Variants in USP5 observed in about 807,000 individuals in gnomAD.
The protein encoded by USP5 is ubiquitin carboxyl-terminal hydrolase 5.
In USP5, 24 loss-of-function variants were observed where a neutral mutation model predicts 102.5. That is an observed-to-expected ratio of 0.23 (90% CI 0.17 to 0.33). The LOEUF (loss-of-function observed/expected upper bound fraction) is 0.33. Among genes scored for constraint, USP5 ranks in the 10% least tolerant of loss-of-function variants. USP5 has a pLI of 1.00. For synonymous variants in USP5, 460 were observed against 434.8 expected, an observed-to-expected ratio of 1.06 and a Z score of -0.72; for missense variants, 753 against 1,122.1, an observed-to-expected ratio of 0.67 and a Z score of 4.70.
rs1555129577 is a variant in USP5 at position 6,861,553 on chromosome 12, G to A, written c.1609G>A (p.Gly537Arg). 8 of 1,600,810 alleles carry A rather than the reference G, an allele frequency of 5.0e-6. No individual in the cohort carries two copies. The highest frequency in any genetic ancestry group is 2.2e-5 in the East Asian group (1 of 44,486). The change falls in exon 13 of 20, where the codon GGG becomes AGG. Residue 537 changes from glycine to arginine, a missense_variant. Gly to Arg is a moderately radical substitution (Grantham distance 125). Coordinates refer to ENST00000229268, the MANE Select transcript of USP5 (RefSeq NM_001098536.2). This position sits in a 1 kb window ranked among gnomAD's most constrained non-coding sequence, Gnocchi z 4.9. ...VPFSSCLEAY[G>R]APEQVDDFWS... ...CTTCAGCTCTTGCCTGGAGGCCTAC[G>A]GGGCCCCTGAGCAGGTCGATGACTT...
At position 6,864,020 on chromosome 12, in the gene USP5, C is replaced by G; in HGVS notation, c.2099-30C>G. ...GGTGGGGCAGGGCCTCCATCCTCCC[C>G]CAAACACATCAACCCCTTCACATCC... On this transcript the variant is annotated intron_variant, in intron 16 of 19. Coordinates refer to ENST00000229268, the MANE Select transcript of USP5 (RefSeq NM_001098536.2). The surrounding 1 kb of genome is among the most constrained non-coding windows in gnomAD (Gnocchi z 4.8). The G allele has an allele frequency of 6.3e-7, 1 of 1,585,422 alleles. No individual in the cohort carries two copies. The highest frequency in any genetic ancestry group is 8.6e-7 in the Non-Finnish European group (1 of 1,161,132).
At position 6,864,724 on chromosome 12, in the gene USP5, C is replaced by T. The variant is rs782626538; in HGVS notation, c.2247C>T (p.Asn749=). Reference sequence around the variant, plus strand: ...GTAATGCTTCCTTCCTCTCCAAGAACAATAGTTTAGAACGGGCTGTGGACT... The same window carrying T: ...GTAATGCTTCCTTCCTCTCCAAGAATAATAGTTTAGAACGGGCTGTGGACT... The part of the protein sequence containing the change: ...DQALKALRAT[N]NSLERAVDWI... Residue 749 remains asparagine (N), a splice_region_variant and synonymous_variant, in exon 18 of 20, where the codon AAC becomes AAT. Transcript: ENST00000229268. This position sits in a 1 kb window ranked among gnomAD's most constrained non-coding sequence, Gnocchi z 4.8. The T allele has an allele frequency of 6.2e-7, 1 of 1,608,322 alleles. No homozygotes were observed. The highest frequency in any genetic ancestry group is 8.5e-7 in the Non-Finnish European group (1 of 1,179,590).
At chr12:6,859,741 CT>C (rs1944222433) in intron 9 of USP5, among the ~76,000 whole-genome samples, 200 bp downstream of exon 9, 1 of 152,184 alleles carries the variant, frequency 6.6e-6, no homozygotes, top group Admixed American at 6.5e-5. Flanking sequence ...CAACCTCTGC[CT>C]CCTGGGTTCA....
Position 6,862,838 on chromosome 12 carries a change from G to A in USP5, c.1762+280G>A, listed in dbSNP as rs782465233. On this transcript the variant is annotated intron_variant, in intron 14 of 19. Coordinates refer to ENST00000229268, the MANE Select transcript of USP5 (RefSeq NM_001098536.2). The stretch of plus-strand genomic sequence containing the variant: ...GATAATCTTGAAACAATTAATTCTC[G>A]TGAGTCTTACAGGTCCCTGACTGTC... Among the ~76,000 whole-genome samples the A allele has an allele frequency of 9.2e-5, 14 of 152,182 alleles. No homozygotes were observed. In the East Asian group the frequency reaches 1.7e-3, roughly 19 times the overall value.
chr12:6,855,420 A>T lies in USP5; in HGVS notation c.131A>T (p.Tyr44Phe). Residue 44 changes from tyrosine (Y) to phenylalanine (F), a missense_variant, in exon 2 of 20, where the codon TAC becomes TTC. Around this residue, in one of 3 missense-constraint regions of USP5, gnomAD observed 527 missense variants for 816.5 expected, o/e 0.65. Coordinates refer to ENST00000229268, the MANE Select transcript of USP5 (RefSeq NM_001098536.2). This position sits in a 1 kb window ranked among gnomAD's most constrained non-coding sequence, Gnocchi z 4.6. ...CCACAGGAGTCTGAGGGGGGCCTCT[A>T]CATCTGTATGAACACGTTTCTGGGC... ...FDTPESEGGL[Y>F]ICMNTFLGFG... The T allele has an allele frequency of 8.1e-6, 13 of 1,614,176 alleles. No homozygotes were observed. Among genetic ancestry groups the T allele is most frequent in the Non-Finnish European group, 1.1e-5 (13 of 1,180,032 alleles).
At chr12:6,859,194 G>C (rs950257555) in intron 8 of USP5, among the ~76,000 whole-genome samples, 1 of 152,204 alleles carries the variant, frequency 6.6e-6, no homozygotes, top group African/African-American at 2.4e-5. Context: ...CATGTCAACA[G>C]GTTCTGTCCA....
intron 6 of USP5, 167 bp from the exon 7 acceptor site, chr12:6,857,462 G>A (rs1264013075): frequency 1.8e-6 from 1 of 561,082 alleles, no homozygotes; most frequent in Non-Finnish European, 3.2e-6. Flanking sequence ...GTCAGCCCCA[G>A]AAGGGCCATG....
Position 6,864,797 on chromosome 12 carries a change from A to T in USP5, c.2320A>T (p.Ile774Phe), listed in dbSNP as rs1555130420. Residue 774 changes from isoleucine to phenylalanine, a missense_variant, in exon 18 of 20, where the codon ATC becomes TTC. Ile to Phe is a conservative substitution (Grantham distance 21). Coordinates refer to ENST00000229268, the MANE Select transcript of USP5 (RefSeq NM_001098536.2). This position sits in a 1 kb window ranked among gnomAD's most constrained non-coding sequence, Gnocchi z 4.8. ...CCTGGATGCTGAAGCTGCCATGGACATCTCAGAGGGCCGCTCAGCTGCCGA... is the reference window on the plus strand; with the variant it reads ...CCTGGATGCTGAAGCTGCCATGGACTTCTCAGAGGGCCGCTCAGCTGCCGA... ...DDLDAEAAMD[I>F]SEGRSAADSI... 1 of 1,613,898 alleles carries T rather than the reference A, an allele frequency of 6.2e-7. No individual in the cohort carries two copies. The highest frequency in any genetic ancestry group is 1.7e-5 in the Admixed American group (1 of 60,024).
Position 6,855,875 on chromosome 12 carries a change from A to G in USP5, c.304+54A>G. On this transcript the variant is annotated intron_variant, in intron 3 of 19. Coordinates refer to ENST00000229268, the MANE Select transcript of USP5 (RefSeq NM_001098536.2). This position sits in a 1 kb window ranked among gnomAD's most constrained non-coding sequence, Gnocchi z 4.6. ...CCCTGAGCTGGTCTTTCTGGCTCTC[A>G]GCAGCACCAGGAAAGCCCCAAAGAG... 1.2e-6 allele frequency: 2 copies of G among 1,612,462 alleles called. No homozygotes were observed. Among genetic ancestry groups the G allele is most frequent in the Non-Finnish European group, 1.7e-6 (2 of 1,178,652 alleles).
chr12:6,864,041 C>T lies in USP5; in HGVS notation c.2099-9C>T, dbSNP rs1555130177. 1.9e-6 allele frequency: 3 copies of T among 1,598,670 alleles called. No individual in the cohort carries two copies. Among genetic ancestry groups the T allele is most frequent in the South Asian group, 1.1e-5 (1 of 89,314 alleles). On this transcript the variant is annotated splice_polypyrimidine_tract_variant and intron_variant, in intron 16 of 19. Coordinates refer to ENST00000229268, the MANE Select transcript of USP5 (RefSeq NM_001098536.2). The surrounding 1 kb of genome is among the most constrained non-coding windows in gnomAD (Gnocchi z 4.8). Reference sequence around the variant, plus strand: ...TCCCCCAAACACATCAACCCCTTCACATCCACAGATTTTGCAAACCCCCTC... The same window carrying T: ...TCCCCCAAACACATCAACCCCTTCATATCCACAGATTTTGCAAACCCCCTC...
At position 6,866,193 on chromosome 12, in the gene USP5, G is replaced by T; in HGVS notation, c.*116G>T. ...CTGTACCCTTTTTCCTTTTGTCCCC[G>T]GCAGCAGGGAAGAAGCTGGAGGCCG... On this transcript the variant is annotated 3_prime_UTR_variant, in exon 20 of 20. Transcript: ENST00000229268. This position sits in a 1 kb window ranked among gnomAD's most constrained non-coding sequence, Gnocchi z 4.7. The T allele has an allele frequency of 2.1e-6, 2 of 966,286 alleles. No homozygotes were observed. Among genetic ancestry groups the T allele is most frequent in the South Asian group, 1.5e-5 (1 of 68,004 alleles). The allele number at this position is 966,286 out of a possible 1,614,324, so 59.9% of individuals were successfully genotyped here.
At position 6,860,097 on chromosome 12, in the gene USP5, C is replaced by G. The variant is rs1218324535; in HGVS notation, c.1131-54C>G. 4 of 1,589,356 alleles carry G rather than the reference C, an allele frequency of 2.5e-6. No homozygotes were observed. The South Asian group carries it at 4.5e-5, about 18-fold the overall frequency. On this transcript the variant is annotated intron_variant, in intron 9 of 19. Coordinates refer to ENST00000229268, the MANE Select transcript of USP5 (RefSeq NM_001098536.2). This position sits in a 1 kb window ranked among gnomAD's most constrained non-coding sequence, Gnocchi z 5.5. ...CACGAGCAGGGGGTTGAGCTGGGGA[C>G]ACACAGGGTCGTTAGTTGACTGAAG...
In USP5 at chr12:6,865,852, G is replaced by A. The variant is rs1443506853; in HGVS notation, c.2484-132G>A. ...GTGAAGCTCCCTTAAGGCACATGGT[G>A]GCTGGGCTGTGGATTTGGGGTATGG... On this transcript the variant is annotated intron_variant, in intron 19 of 19. Transcript: ENST00000229268. 39 of 753,336 alleles carry A rather than the reference G, an allele frequency of 5.2e-5. 2 individuals are homozygous for A. In the Admixed American group the frequency reaches 8.2e-4, roughly 16 times the overall value. The allele number at this position is 753,336 out of a possible 1,614,324, so 46.7% of individuals were successfully genotyped here. A position where few individuals can be genotyped will look rare whatever the true frequency, so the allele number is the denominator to read the frequency against.
Position 6,865,248 on chromosome 12 carries a change from G to A in USP5, c.2483G>A (p.Arg828Lys), listed in dbSNP as rs782332700. The change falls in exon 19 of 20, where the codon AGA (arginine) becomes AAA (lysine). Residue 828 changes from arginine to lysine, a missense_variant and splice_region_variant. Transcript: ENST00000229268. ...GTCTGCCACATCAAGAAAGAAGGCA[G>A]GTGAGTGCTGGCCACATGCGTTTTG... ...HYVCHIKKEG[R>K]WVIYNDQKVC... 1 of 1,613,488 alleles carries A rather than the reference G, an allele frequency of 6.2e-7. No homozygotes were observed. Among genetic ancestry groups the A allele is most frequent in the Non-Finnish European group, 8.5e-7 (1 of 1,179,434 alleles).
Position 6,860,881 on chromosome 12 carries a change from TC to T in USP5, c.1345-69del. On this transcript the variant is annotated intron_variant, in intron 11 of 19. Transcript: ENST00000229268. This position sits in a 1 kb window ranked among gnomAD's most constrained non-coding sequence, Gnocchi z 5.5. ...GTAGTCTGCCTTCTCTCCCTGACTC[TC>T]CCATGAACCTTTCAGGCCCCATTCT... 1 of 1,581,932 alleles carries T rather than the reference TC, an allele frequency of 6.3e-7. No individual in the cohort carries two copies. Among genetic ancestry groups the T allele is most frequent in the Non-Finnish European group, 8.6e-7 (1 of 1,160,372 alleles).
intron 9 of USP5, 62 bp downstream of exon 9, chr12:6,859,603 C>T (rs1944215666): frequency 6.6e-7 from 1 of 1,523,840 alleles, no homozygotes; most frequent in African/African-American, 1.4e-5. Context: ...CCTTCCTCCT[C>T]CCTGACCGCC....
chr12:6,857,348 C>T (rs1362116051), intron 6 of USP5: 2 of 410,818 alleles, frequency 4.9e-6, no homozygotes, highest in Admixed American at 4.1e-5. Flanking sequence ...CACTCAAATC[C>T]TCATCCCTTT....
In USP5 at chr12:6,860,854, T is replaced by C; in HGVS notation, c.1345-99T>C. 6.6e-7 allele frequency: 1 copy of C among 1,514,322 alleles called. No individual in the cohort carries two copies. Among genetic ancestry groups the C allele is most frequent in the Non-Finnish European group, 9.0e-7 (1 of 1,112,094 alleles). 93.8% of individuals were successfully genotyped at this position (1,514,322 alleles called of 1,614,324 possible). ...TGCTCTTGTGTCCCTGAGTTCCGAG[T>C]GGTAGTCTGCCTTCTCTCCCTGACT... On this transcript the variant is annotated intron_variant, in intron 11 of 19. Transcript: ENST00000229268. The surrounding 1 kb of genome is among the most constrained non-coding windows in gnomAD (Gnocchi z 5.5).
Position 6,863,296 on chromosome 12 carries a change from G to C in USP5, c.1873G>C (p.Asp625His). The change falls in exon 15 of 20, where the codon GAT becomes CAT. Residue 625 changes from aspartate to histidine, a missense_variant. Transcript: ENST00000229268. The surrounding 1 kb of genome is among the most constrained non-coding windows in gnomAD (Gnocchi z 4.7). Reference sequence around the variant, plus strand: ...CATTGCCCCACCCCTGGTCACTCCGGATGAGCCCAAAGGTAGCCTTGGTTT... The same window carrying C: ...CATTGCCCCACCCCTGGTCACTCCGCATGAGCCCAAAGGTAGCCTTGGTTT... ...PDIAPPLVTP[D>H]EPKGSLGFYG... 6.2e-7 allele frequency: 1 copy of C among 1,614,182 alleles called. No individual in the cohort carries two copies. Among genetic ancestry groups the C allele is most frequent in the South Asian group, 1.1e-5 (1 of 91,082 alleles).
Sources: gnomAD v4.1 joint callset for allele counts (sites outside exome capture counted in the v4.1 genomes callset) on GRCh38, gnomAD v4.1.1 for gene constraint, gnomAD v4.1.1 regional missense constraint, Gnocchi (gnomAD v3.1) non-coding constraint, MANE v1.5 for transcripts, NCBI Gene and HGNC (gene_info 2026-07-23, HGNC 2026-07-21) for gene names.